The following TRAF3IP1 variants were observed in gnomAD, a reference collection of about 807,000 sequenced individuals.
TRAF3IP1 encodes the protein intraflagellar transport 54, also known as TRAF3-interacting protein 1.
Under a neutral mutation model 89.9 loss-of-function variants are expected in TRAF3IP1, and 53 were observed. The observed-to-expected ratio is 0.59, with a 90% confidence interval of 0.47 to 0.74. The LOEUF is 0.74. TRAF3IP1 is among the 30% of genes least tolerant of loss of function. The pLI is 0.00. For synonymous variants in TRAF3IP1, 311 were observed against 322.1 expected (o/e 0.97, Z 0.37); for missense variants, 806 against 866.1 (o/e 0.93, Z 0.87).
chr2:238,384,859 G>A (rs1045119943), intron 15 of TRAF3IP1, among the ~76,000 whole-genome samples: 1 of 152,122 alleles, frequency 6.6e-6, no homozygotes, highest in African/African-American at 2.4e-5. Context: ...TATATTCTAG[G>A]ATCGAAACTC....
intron 15 of TRAF3IP1, among the ~76,000 whole-genome samples, chr2:238,394,470 T>C (rs1470453027): frequency 1.3e-5 from 2 of 152,214 alleles, no homozygotes; most frequent in Admixed American, 1.3e-4. Flanking sequence ...TTCATCTGCA[T>C]TGTTTCGTTT....
chr2:238,370,951 G>T (rs973352357), intron 15 of TRAF3IP1, among the ~76,000 whole-genome samples: 1 of 152,130 alleles, frequency 6.6e-6, no homozygotes. Flanking sequence ...AACACCAGGG[G>T]GTGCTTTAAG....
intron 15 of TRAF3IP1, among the ~76,000 whole-genome samples, chr2:238,369,490 T>C (rs1335118517): frequency 6.6e-6 from 1 of 152,214 alleles, no homozygotes; most frequent in Non-Finnish European, 1.5e-5. Context: ...GCTCTTCCCT[T>C]GATTTGGCCT....
intron 14 of TRAF3IP1, among the ~76,000 whole-genome samples, chr2:238,355,578 A>G (rs1373366894): frequency 6.6e-6 from 1 of 152,242 alleles, no homozygotes; most frequent in Non-Finnish European, 1.5e-5. Context: ...AAAAAACTTC[A>G]CATGATATTT....
intron 15 of TRAF3IP1, among the ~76,000 whole-genome samples, chr2:238,359,611 T>C (rs1699575038): frequency 1.3e-5 from 2 of 152,236 alleles, no homozygotes; most frequent in Non-Finnish European, 2.9e-5. Context: ...CACAGTGTGT[T>C]CATCCATGTA....
At chr2:238,353,484 C>T (rs1699266716) in intron 14 of TRAF3IP1, among the ~76,000 whole-genome samples, 1 of 152,206 alleles carries the variant, frequency 6.6e-6, no homozygotes, top group Admixed American at 6.5e-5. Context: ...CATCTCGTCT[C>T]TTCCGTACGA....
At position 238,345,535 on chromosome 2, in the gene TRAF3IP1, C is replaced by T. The variant is rs992793470; in HGVS notation, c.1261+937C>T. Reference sequence around the variant, plus strand: ...AGTTTAGCCTTTATTGGAAGAGCAGCGGGAGGCTAATTATATCTTTAGGAG... The same window carrying T: ...AGTTTAGCCTTTATTGGAAGAGCAGTGGGAGGCTAATTATATCTTTAGGAG... On this transcript the variant is annotated intron_variant, in intron 9 of 16. Coordinates refer to ENST00000373327, the MANE Select transcript of TRAF3IP1 (RefSeq NM_015650.4). The surrounding 1 kb of genome is among the most constrained non-coding windows in gnomAD (Gnocchi z 4.7). 7.2e-5 allele frequency among the ~76,000 whole-genome samples: 11 copies of T among 152,152 alleles called. No individual in the cohort carries two copies. Among genetic ancestry groups the T allele is most frequent in the African/African-American group, 2.4e-4 (10 of 41,420 alleles).
chr2:238,352,734 A>C (rs1699228802), intron 12 of TRAF3IP1, 93 bp from the exon 13 acceptor site: 24 of 1,253,924 alleles, frequency 1.9e-5, no homozygotes, highest in Non-Finnish European at 2.5e-5. Flanking sequence ...GTTGGTGATT[A>C]GATTCCTCTC....
intron 15 of TRAF3IP1, among the ~76,000 whole-genome samples, chr2:238,388,076 T>G (rs1373847641): frequency 6.6e-6 from 1 of 151,694 alleles, no homozygotes; most frequent in Non-Finnish European, 1.5e-5. Context: ...AGAACAAGAC[T>G]CTGTCTCAAA....
At chr2:238,368,920 G>A (rs976166122) in intron 15 of TRAF3IP1, among the ~76,000 whole-genome samples, 7 of 152,032 alleles carry the variant, frequency 4.6e-5, no homozygotes, top group Non-Finnish European at 2.9e-5. Flanking sequence ...CGATCCACCC[G>A]CCTCGGCCTC....
intron 1 of TRAF3IP1, among the ~76,000 whole-genome samples, chr2:238,323,720 T>C (rs533778017): frequency 2.6e-5 from 4 of 152,360 alleles, no homozygotes; most frequent in African/African-American, 9.6e-5. Context: ...CCACATACCA[T>C]GCAGCCTGCT....
At chr2:238,384,931 T>C (rs1388461779) in intron 15 of TRAF3IP1, among the ~76,000 whole-genome samples, 2 of 152,220 alleles carry the variant, frequency 1.3e-5, no homozygotes, top group Non-Finnish European at 2.9e-5. Context: ...CAGTATTTTT[T>C]CCTTCTTCAT....
chr2:238,352,528 A>G (rs977454926), intron 12 of TRAF3IP1, among the ~76,000 whole-genome samples: 2 of 151,920 alleles, frequency 1.3e-5, no homozygotes, highest in Non-Finnish European at 2.9e-5. Context: ...AGTAGAGGGC[A>G]TGACGAGGCT....
chr2:238,397,326 G>A (rs1376148670), intron 15 of TRAF3IP1, 133 bp from the exon 16 acceptor site: 2 of 713,774 alleles, frequency 2.8e-6, no homozygotes, highest in African/African-American at 1.8e-5. Context: ...ATGGGAGTGA[G>A]TGTCCCACAA....
chr2:238,352,483 CAG>C (rs1331829902), intron 12 of TRAF3IP1, among the ~76,000 whole-genome samples: 1 of 152,056 alleles, frequency 6.6e-6, no homozygotes, highest in Non-Finnish European at 1.5e-5. Flanking sequence ...AGAGCGCAGT[CAG>C]GGGAGAGGCG....
Position 238,349,213 on chromosome 2 carries a change from C to T in TRAF3IP1, c.1368-112C>T, listed in dbSNP as rs79697579. ...GCAGAGTAGCGTGTCCTAACCAGCA[C>T]ATTGATTATGGCTTGGAGATGAGAG... On this transcript the variant is annotated intron_variant, in intron 11 of 16. Transcript: ENST00000373327. The T allele has an allele frequency of 2.9e-3, 2,986 of 1,026,888 alleles. 66 individuals are homozygous for T. The African/African-American group carries it at 0.043, about 15-fold the overall frequency. The allele number at this position is 1,026,888 out of a possible 1,614,324, so 63.6% of individuals were successfully genotyped here.
chr2:238,356,303 C>A (rs1372628366), intron 15 of TRAF3IP1, among the ~76,000 whole-genome samples: 2 of 152,206 alleles, frequency 1.3e-5, no homozygotes, highest in East Asian at 3.9e-4. Flanking sequence ...TCGAGACCAG[C>A]CTGGGCAACA....
At chr2:238,396,751 A>G (rs966066526) in intron 15 of TRAF3IP1, among the ~76,000 whole-genome samples, 1 of 151,440 alleles carries the variant, frequency 6.6e-6, no homozygotes, top group Non-Finnish European at 1.5e-5. Context: ...CGTCCTCCTC[A>G]CCTCCTTCAC....
chr2:238,328,599 GC>G, intron 3 of TRAF3IP1, 86 bp from the exon 4 acceptor site: 1 of 1,452,530 alleles, frequency 6.9e-7, no homozygotes, highest in South Asian at 1.3e-5. Context: ...TGTCTCATGA[GC>G]TATCTTTGAA....
Sources: gnomAD v4.1 joint callset for allele counts (sites outside exome capture counted in the v4.1 genomes callset) on GRCh38, gnomAD v4.1.1 for gene constraint, Gnocchi (gnomAD v3.1) non-coding constraint, MANE v1.5 for transcripts, NCBI Gene and HGNC (gene_info 2026-07-23, HGNC 2026-07-21) for gene names.